LRCH1: variants seen among roughly 807,000 people sequenced by gnomAD.
The protein encoded by LRCH1 is leucine-rich repeat and calponin homology domain-containing protein 1.
A neutral mutation model predicts 94.9 loss-of-function variants in LRCH1; 23 were observed. That is an observed-to-expected ratio of 0.24 (90% CI 0.17 to 0.34). LRCH1 has a LOEUF of 0.34. Ranked by LOEUF, LRCH1 falls within the 10% of genes least tolerant of loss-of-function variation. LRCH1 has a pLI of 1.00. For missense variants in LRCH1, 790 were observed against 945.9 expected (o/e 0.84, Z 2.16); for synonymous variants, 364 against 354.9 (o/e 1.03, Z -0.29).
intron 5 of LRCH1, 39 bp from the exon 6 acceptor site, chr13:46,687,813 A>T (rs549888620): frequency 1.3e-6 from 2 of 1,578,528 alleles, no homozygotes; most frequent in African/African-American, 2.7e-5. Flanking sequence ...TTGTTTTGTC[A>T]TTGAAAAATG....
chr13:46,673,370 G>A (rs1459306051), intron 3 of LRCH1, among the ~76,000 whole-genome samples: 1 of 152,158 alleles, frequency 6.6e-6, no homozygotes, highest in African/African-American at 2.4e-5. Flanking sequence ...CACAAAGAGG[G>A]ACTGGCCTTG....
intron 1 of LRCH1, among the ~76,000 whole-genome samples, chr13:46,584,342 C>A (rs1307265456): frequency 6.6e-6 from 1 of 152,220 alleles, no homozygotes; most frequent in Non-Finnish European, 1.5e-5. Context: ...GCAGCACCGG[C>A]ATCACCTAGG....
chr13:46,666,215 A>G (rs985107573), intron 2 of LRCH1, among the ~76,000 whole-genome samples: 1 of 152,234 alleles, frequency 6.6e-6, no homozygotes, highest in Non-Finnish European at 1.5e-5. Context: ...AGGCCATTCC[A>G]TCAGCAGCTT....
intron 3 of LRCH1, among the ~76,000 whole-genome samples, chr13:46,672,745 C>A (rs988864599): frequency 1.7e-4 from 26 of 152,196 alleles, no homozygotes; most frequent in African/African-American, 6.3e-4. Context: ...TCACCTGGTT[C>A]TTGTGTCTTT....
intron 1 of LRCH1, among the ~76,000 whole-genome samples, chr13:46,587,524 TTG>T (rs2137954909): frequency 6.6e-6 from 1 of 152,290 alleles, no homozygotes; most frequent in Non-Finnish European, 1.5e-5. Context: ...TGGAACATAA[TTG>T]TGGATGCCTA....
At chr13:46,637,365 C>T (rs2051104228) in intron 1 of LRCH1, among the ~76,000 whole-genome samples, 1 of 152,174 alleles carries the variant, frequency 6.6e-6, no homozygotes, top group South Asian at 2.1e-4. Flanking sequence ...TGTGAGCCAC[C>T]CTCTGCTCCA....
intron 1 of LRCH1, among the ~76,000 whole-genome samples, chr13:46,596,292 A>G (rs949105938): frequency 2.0e-5 from 3 of 152,230 alleles, no homozygotes; most frequent in African/African-American, 7.2e-5. Flanking sequence ...GAAAGCTTGT[A>G]TTGCAGCCCT....
chr13:46,734,152 C>A (rs7333557), intron 19 of LRCH1, among the ~76,000 whole-genome samples, 154 bp downstream of exon 19: 19,507 of 152,150 alleles, frequency 0.13, 2,703 homozygotes, highest in African/African-American at 0.34. Context: ...TAAACTTTAA[C>A]TTGCTCTATT....
intron 13 of LRCH1, among the ~76,000 whole-genome samples, chr13:46,709,140 A>G (rs1386234007): frequency 6.6e-6 from 1 of 152,238 alleles, no homozygotes; most frequent in Non-Finnish European, 1.5e-5. Flanking sequence ...GTGTTTGTCT[A>G]AATTGAAAAT....
intron 13 of LRCH1, among the ~76,000 whole-genome samples, chr13:46,705,956 T>C (rs765267227): frequency 5.3e-5 from 8 of 152,174 alleles, no homozygotes; most frequent in Non-Finnish European, 8.8e-5. Context: ...GAATGAAACA[T>C]AGGCTACAAC....
intron 1 of LRCH1, among the ~76,000 whole-genome samples, chr13:46,648,515 G>A (rs1053844691): frequency 6.6e-6 from 1 of 152,108 alleles, no homozygotes; most frequent in Non-Finnish European, 1.5e-5. Flanking sequence ...TCCTCTCAGG[G>A]CTCTTCTTTG....
chr13:46,735,280 C>G (rs547266283), intron 19 of LRCH1, among the ~76,000 whole-genome samples: 46 of 152,114 alleles, frequency 3.0e-4, no homozygotes, highest in African/African-American at 9.7e-4. Context: ...TATATGTGAA[C>G]GCACTTACAT....
chr13:46,712,778 G>A (rs972292840), intron 15 of LRCH1, among the ~76,000 whole-genome samples, 181 bp downstream of exon 15: 6 of 152,208 alleles, frequency 3.9e-5, no homozygotes, highest in African/African-American at 7.2e-5. Flanking sequence ...AGCTAAGTCC[G>A]TGTTATCAGT....
Position 46,553,473 on chromosome 13 carries a change from CCCA to C in LRCH1, c.96_98del (p.His33del), listed in dbSNP as rs533543595. On this transcript the variant is annotated inframe_deletion, in exon 1 of 20. Coordinates refer to ENST00000389797, the MANE Select transcript of LRCH1 (RefSeq NM_001164211.2). Reference sequence around the variant, plus strand: ...GCTACTCTGCACCCACTTCATCATCCCCACCACCACCACCACCACCATCAGCAC... The same window carrying C: ...GCTACTCTGCACCCACTTCATCATCCCCACCACCACCACCACCATCAGCAC... 150 of 1,545,296 alleles carry C rather than the reference CCCA, an allele frequency of 9.7e-5. No homozygotes were observed. The highest frequency in any genetic ancestry group is 3.8e-4 in the Admixed American group (19 of 50,536).
At chr13:46,664,818 C>A (rs1368292529) in intron 2 of LRCH1, among the ~76,000 whole-genome samples, 2 of 152,132 alleles carry the variant, frequency 1.3e-5, no homozygotes, top group African/African-American at 4.8e-5. Flanking sequence ...TGTTTTATAG[C>A]TGAGAAAACC....
chr13:46,664,241 TAATA>T (rs1229977512), intron 2 of LRCH1, among the ~76,000 whole-genome samples: 7 of 152,144 alleles, frequency 4.6e-5, no homozygotes, highest in Non-Finnish European at 7.4e-5. Flanking sequence ...TAAGTAAAAT[TAATA>T]AATAGAGTCA....
chr13:46,649,562 C>G (rs181227787), intron 1 of LRCH1, among the ~76,000 whole-genome samples: 4 of 152,216 alleles, frequency 2.6e-5, no homozygotes, highest in African/African-American at 9.6e-5. Flanking sequence ...TTAACAGATA[C>G]AATTTATCTC....
In LRCH1 at chr13:46,733,006, G is replaced by T. The variant is rs548592889; in HGVS notation, c.2008-915G>T. Among the ~76,000 whole-genome samples, 3 of 152,300 alleles carry T rather than the reference G, an allele frequency of 2.0e-5. No individual in the cohort carries two copies. In the South Asian group the frequency reaches 6.2e-4, roughly 32 times the overall value. On this transcript the variant is annotated intron_variant, in intron 18 of 19. Transcript: ENST00000389797. The stretch of plus-strand genomic sequence containing the variant: ...TTTCTTTTTGTATTTAATAAATGCT[G>T]TACAAATTAGATTTTGATGATAGTT...
At chr13:46,735,667 T>C (rs1460296455) in intron 19 of LRCH1, among the ~76,000 whole-genome samples, 1 of 152,232 alleles carries the variant, frequency 6.6e-6, no homozygotes, top group East Asian at 1.9e-4. Context: ...CCGAGAAGGT[T>C]CAAATACAGG....
Sources: gnomAD v4.1 joint callset for allele counts (sites outside exome capture counted in the v4.1 genomes callset) on GRCh38, gnomAD v4.1.1 for gene constraint, MANE v1.5 for transcripts, NCBI Gene and HGNC (gene_info 2026-07-23, HGNC 2026-07-21) for gene names.